The following ZFX variants were observed in gnomAD, a reference collection of about 807,000 sequenced individuals.
The protein encoded by ZFX is zinc finger protein X-linked.
For missense variants in ZFX, 362 were observed against 628.3 expected, an observed-to-expected ratio of 0.58 and a Z score of 4.53; for synonymous variants, 196 against 226.8, an observed-to-expected ratio of 0.86 and a Z score of 1.22.
intron 5 of ZFX, among the ~76,000 whole-genome samples, chrX:24,195,123 G>A (rs1936814933): frequency 9.0e-6 from 1 of 111,713 alleles, no homozygotes; most frequent in South Asian, 3.7e-4. Context: ...ATGACATTAC[G>A]TGAGGACTTA....
chrX:24,187,715 T>C (rs1936238050), intron 5 of ZFX, among the ~76,000 whole-genome samples: 1 of 111,988 alleles, frequency 8.9e-6, no homozygotes, highest in South Asian at 3.7e-4. Context: ...AAAACATTTA[T>C]TGATCAGCCA....
In ZFX at chrX:24,213,274, A is replaced by G. The variant is rs1254569008; in HGVS notation, c.*1898A>G. On this transcript the variant is annotated 3_prime_UTR_variant, in exon 10 of 10. Transcript: ENST00000304543. ...CGGTTAATTAGAACTTGGTTATGTT[A>G]AGACGAATCTGGGAGAACAGAAAAC... 8.9e-6 allele frequency: 1 copy of G among 112,085 alleles called. No individual in the cohort carries two copies. Among genetic ancestry groups the G allele is most frequent in the Non-Finnish European group, 1.9e-5 (1 of 53,160 alleles). 9.2% of individuals were successfully genotyped at this position (112,085 alleles called of 1,213,427 possible). A position where few individuals can be genotyped will look rare whatever the true frequency, so the allele number is the denominator to read the frequency against.
chrX:24,161,213 A>G, intron 3 of ZFX, among the ~76,000 whole-genome samples: 1 of 112,493 alleles, frequency 8.9e-6, no homozygotes, highest in Non-Finnish European at 1.9e-5. Flanking sequence ...ACTAAGAGAA[A>G]TGAAAGAAGA....
chrX:24,207,869 C>T lies in ZFX; in HGVS notation c.940+14C>T. 1 of 1,205,207 alleles carries T rather than the reference C, an allele frequency of 8.3e-7. No individual in the cohort carries two copies. Among genetic ancestry groups the T allele is most frequent in the Non-Finnish European group, 1.1e-6 (1 of 893,321 alleles). ...ATGAAGATTTAAGTAAGTAGGTGGC[C>T]TTTTTGTGGGAGAAAATTTTATGTT... is the stretch of plus-strand genomic sequence containing the variant. On this transcript the variant is annotated intron_variant, in intron 7 of 9. Coordinates refer to ENST00000304543, the MANE Select transcript of ZFX (RefSeq NM_003410.4).
intron 5 of ZFX, among the ~76,000 whole-genome samples, chrX:24,205,074 G>C (rs1027272177): frequency 8.9e-6 from 1 of 112,186 alleles, no homozygotes; most frequent in South Asian, 3.7e-4. Context: ...AAGGAAAACA[G>C]ATATGTCTAG....
At chrX:24,186,540 T>G (rs1379463136) in intron 5 of ZFX, among the ~76,000 whole-genome samples, 4 of 111,063 alleles carry the variant, frequency 3.6e-5, no homozygotes, top group African/African-American at 1.3e-4. Flanking sequence ...GGAGGATCCC[T>G]TGAGCACAGG....
intron 3 of ZFX, among the ~76,000 whole-genome samples, chrX:24,165,497 A>G (rs983672817): frequency 8.9e-6 from 1 of 112,979 alleles, no homozygotes; most frequent in Non-Finnish European, 1.9e-5. Flanking sequence ...GTTAACAACT[A>G]TGTTAATGAC....
At chrX:24,164,672 C>T (rs1276623470) in intron 3 of ZFX, among the ~76,000 whole-genome samples, 1 of 111,289 alleles carries the variant, frequency 9.0e-6, no homozygotes, top group African/African-American at 3.3e-5. Flanking sequence ...TGCCTCACAC[C>T]TGTAATCCCA....
chrX:24,150,526 T>A (rs1159106247), intron 1 of ZFX: 1 of 113,031 alleles, frequency 8.8e-6, no homozygotes, highest in Non-Finnish European at 1.9e-5. Context: ...GGCTGCAGTT[T>A]CCGCTGCGTT....
intron 5 of ZFX, among the ~76,000 whole-genome samples, chrX:24,188,410 C>T (rs763020026): frequency 1.8e-5 from 2 of 110,851 alleles, no homozygotes; most frequent in Admixed American, 9.7e-5. Flanking sequence ...GTTTTCAAAG[C>T]TTTAAAAAAT....
intron 5 of ZFX, among the ~76,000 whole-genome samples, chrX:24,203,371 G>A (rs1474575807): frequency 8.9e-6 from 1 of 112,093 alleles, no homozygotes; most frequent in Non-Finnish European, 1.9e-5. Context: ...ACGGGCACCT[G>A]ACTTAGTCAC....
intron 4 of ZFX, among the ~76,000 whole-genome samples, chrX:24,176,939 T>G (rs1395792381): frequency 9.0e-6 from 1 of 111,326 alleles, no homozygotes; most frequent in Non-Finnish European, 1.9e-5. Context: ...ATTTATTTAT[T>G]TATTAATTAT....
At chrX:24,184,010 C>CTGCT (rs1935907010) in intron 5 of ZFX, among the ~76,000 whole-genome samples, 1 of 110,379 alleles carries the variant, frequency 9.1e-6, no homozygotes, top group Non-Finnish European at 1.9e-5. Context: ...ATCCATCTGC[C>CTGCT]TCAGCCTCCC....
intron 3 of ZFX, among the ~76,000 whole-genome samples, chrX:24,168,006 TAGAGTC>T (rs201472226): frequency 0.012 from 1,341 of 111,476 alleles, 29 homozygotes; most frequent in African/African-American, 0.042. Context: ...TAAGGGCTGA[TAGAGTC>T]AGAGAAGAGA....
At chrX:24,192,533 C>T (rs1203632109) in intron 5 of ZFX, among the ~76,000 whole-genome samples, 1 of 111,168 alleles carries the variant, frequency 9.0e-6, no homozygotes, top group Non-Finnish European at 1.9e-5. Context: ...TTTGTGCCTC[C>T]TAGATAATTT....
Position 24,207,845 on chromosome X carries a change from T to C in ZFX, c.930T>C (p.Asp310=), listed in dbSNP as rs1162702565. ...CTGTCAATGACTCTCAGCCAGAAGA[T>C]GAAGATTTAAGTAAGTAGGTGGCCT... ...YMTVNDSQPE[D]EDLNVAEIAD... The change falls in exon 7 of 10, where the codon GAT becomes GAC. Residue 310 remains aspartate, a synonymous_variant. Coordinates refer to ENST00000304543, the MANE Select transcript of ZFX (RefSeq NM_003410.4). The C allele has an allele frequency of 8.3e-7, 1 of 1,209,770 alleles. No homozygotes were observed. The highest frequency in any genetic ancestry group is 2.2e-5 in the Admixed American group (1 of 45,636).
At position 24,157,284 on chromosome X, in the gene ZFX, A is replaced by G. The variant is rs762943700; in HGVS notation, c.-29+4454A>G. On this transcript the variant is annotated intron_variant, in intron 3 of 9. Coordinates refer to ENST00000304543, the MANE Select transcript of ZFX (RefSeq NM_003410.4). ...TTAGTTATAGTTGCTATTATTGCTG[A>G]TGTATAAGGATCACTGTTGACTTAT... Among the ~76,000 whole-genome samples, 5 of 112,078 alleles carry G rather than the reference A, an allele frequency of 4.5e-5. No homozygotes were observed. In the South Asian group the frequency reaches 1.8e-3, roughly 41 times the overall value.
chrX:24,170,262 T>A (rs1368088114), intron 3 of ZFX, among the ~76,000 whole-genome samples: 2 of 108,353 alleles, frequency 1.8e-5, no homozygotes, highest in Non-Finnish European at 3.8e-5. Flanking sequence ...TTCAAGTAGT[T>A]CTCCCTGCCT....
At chrX:24,165,579 A>T (rs1420437275) in intron 3 of ZFX, among the ~76,000 whole-genome samples, 1 of 112,800 alleles carries the variant, frequency 8.9e-6, no homozygotes, top group African/African-American at 3.2e-5. Flanking sequence ...ATGTATAAGA[A>T]AACAGTTTCT....
Sources: allele counts gnomAD v4.1 joint callset (sites outside exome capture counted in the v4.1 genomes callset), GRCh38; gene constraint gnomAD v4.1.1; transcripts MANE v1.5; gene names NCBI Gene and HGNC (gene_info 2026-07-23, HGNC 2026-07-21).